The following DOCK7 variants were observed in gnomAD, a reference collection of about 807,000 sequenced individuals.
DOCK7 encodes the protein dedicator of cytokinesis protein 7.
In DOCK7, 138 loss-of-function variants were observed where a neutral mutation model predicts 271.0. The observed-to-expected ratio is 0.51, with a 90% confidence interval of 0.44 to 0.59. The LOEUF is 0.59. Among genes scored for constraint, DOCK7 ranks in the 20% least tolerant of loss-of-function variants. The probability of loss-of-function intolerance (pLI) is 0.00; values close to 1 mark genes in which losing one functional copy is unlikely to be tolerated. For missense variants in DOCK7, 2,066 were observed against 2,592.4 expected, an observed-to-expected ratio of 0.80 and a Z score of 4.41; for synonymous variants, 823 against 876.1, an observed-to-expected ratio of 0.94 and a Z score of 1.07.
chr1:62,540,157 T>G (rs1450104213), intron 25 of DOCK7, among the ~76,000 whole-genome samples: 1 of 151,834 alleles, frequency 6.6e-6, no homozygotes, highest in Admixed American at 6.6e-5. Context: ...AAAAAAAAAT[T>G]TCAACCTTTA....
rs1277662693 is a variant in DOCK7, at chr1:62,561,643, C to T, written c.2173G>A (p.Val725Ile). The T allele has an allele frequency of 1.9e-6, 3 of 1,568,606 alleles. No individual in the cohort carries two copies. Among genetic ancestry groups the T allele is most frequent in the Non-Finnish European group, 2.6e-6 (3 of 1,164,860 alleles). The change falls in exon 19 of 50, where the codon GTT (valine) becomes ATT (isoleucine). Residue 725 changes from valine (V) to isoleucine (I), a missense_variant. By Grantham distance (29) the Val-to-Ile change is conservative. Around this residue, in one of 2 missense-constraint regions of DOCK7, gnomAD observed 1,414 missense variants for 1,670.4 expected, o/e 0.85. Coordinates refer to ENST00000635253, the MANE Select transcript of DOCK7 (RefSeq NM_001367561.1). Reference sequence around the variant, plus strand: ...TGTGTATGGATAGACGAAACAGCAACAACTTCAACATTAAAAACACCTTTG... The same window carrying T: ...TGTGTATGGATAGACGAAACAGCAATAACTTCAACATTAAAAACACCTTTG... The part of the protein sequence containing the change: ...NHKGVFNVEV[V>I]AVSSIHTQDP...
chr1:62,500,015 G>A (rs1646735707), intron 37 of DOCK7, among the ~76,000 whole-genome samples: 2 of 151,582 alleles, frequency 1.3e-5, no homozygotes, highest in African/African-American at 4.9e-5. Context: ...AGTTAGGCAA[G>A]ATGTGCCTGC....
At chr1:62,508,152 C>T (rs974129013) in intron 34 of DOCK7, 94 bp from the exon 35 acceptor site, 2 of 1,144,666 alleles carry the variant, frequency 1.7e-6, no homozygotes, top group African/African-American at 1.6e-5. Context: ...AAATTTCAAA[C>T]CATTTTCAAT....
At chr1:62,664,247 T>C (rs774936075) in intron 1 of DOCK7, among the ~76,000 whole-genome samples, 5 of 152,330 alleles carry the variant, frequency 3.3e-5, no homozygotes, top group Admixed American at 1.3e-4. Context: ...AATCTCATCT[T>C]GAATTATAGC....
intron 1 of DOCK7, among the ~76,000 whole-genome samples, chr1:62,670,054 A>C (rs1399461966): frequency 6.6e-6 from 1 of 152,246 alleles, no homozygotes; most frequent in African/African-American, 2.4e-5. Flanking sequence ...CGGAGGGTGT[A>C]CTGGGTCCCC....
chr1:62,648,797 A>C (rs1320187554), intron 4 of DOCK7, among the ~76,000 whole-genome samples: 1 of 152,160 alleles, frequency 6.6e-6, no homozygotes, highest in African/African-American at 2.4e-5. Flanking sequence ...TATATAAATT[A>C]AGCTGTACTT....
At chr1:62,593,613 G>A (rs1036006097) in intron 14 of DOCK7, among the ~76,000 whole-genome samples, 3 of 151,938 alleles carry the variant, frequency 2.0e-5, no homozygotes, top group African/African-American at 2.4e-5. Flanking sequence ...CCAAAGATAC[G>A]GCTGTTCAAC....
At chr1:62,679,649 A>T (rs936870891) in intron 1 of DOCK7, among the ~76,000 whole-genome samples, 1 of 152,212 alleles carries the variant, frequency 6.6e-6, no homozygotes, top group Non-Finnish European at 1.5e-5. Flanking sequence ...GGCCATACAA[A>T]GCAATGGCAT....
At chr1:62,599,000 G>A (rs921327111) in intron 14 of DOCK7, among the ~76,000 whole-genome samples, 1 of 151,944 alleles carries the variant, frequency 6.6e-6, no homozygotes, top group Admixed American at 6.6e-5. Flanking sequence ...GTGTGACCTT[G>A]AATAAATTAC....
At chr1:62,519,006 T>TACACACACACACACACACACAC (rs61224578) in intron 31 of DOCK7, among the ~76,000 whole-genome samples, 1 of 148,130 alleles carries the variant, frequency 6.8e-6, no homozygotes, top group Non-Finnish European at 1.5e-5. Context: ...AGTCATGCTA[T>TACACACACACACACACACACAC]ACACACACAC....
intron 1 of DOCK7, among the ~76,000 whole-genome samples, chr1:62,672,889 T>C (rs1238768660): frequency 1.3e-5 from 2 of 152,132 alleles, no homozygotes; most frequent in Non-Finnish European, 2.9e-5. Flanking sequence ...TATTAATGAT[T>C]TGTCTATTTT....
At chr1:62,584,862 T>C (rs1462453284) in intron 15 of DOCK7, 1 of 717,552 alleles carries the variant, frequency 1.4e-6, no homozygotes, top group Admixed American at 2.0e-5. Context: ...CGGTATAGGA[T>C]GGGTGCAGCT....
At chr1:62,677,254 C>G (rs1418756514) in intron 1 of DOCK7, among the ~76,000 whole-genome samples, 1 of 152,138 alleles carries the variant, frequency 6.6e-6, no homozygotes, top group Non-Finnish European at 1.5e-5. Flanking sequence ...GGGCATGTGA[C>G]CCACAGTGGT....
At position 62,656,894 on chromosome 1, in the gene DOCK7, G is replaced by A. The variant is rs193145306; in HGVS notation, c.145-2735C>T. ...ACATTTAGACTATAACTGCACAAAG[G>A]CCAAGTGGGGAGCTAGATTTCTTCC... On this transcript the variant is annotated intron_variant, in intron 2 of 49. Transcript: ENST00000635253. Among the ~76,000 whole-genome samples the A allele has an allele frequency of 2.1e-3, 319 of 152,292 alleles. 2 individuals carry two copies. Among genetic ancestry groups the A allele is most frequent in the African/African-American group, 7.3e-3 (302 of 41,550 alleles).
At chr1:62,656,903 G>A (rs1199947727) in intron 2 of DOCK7, among the ~76,000 whole-genome samples, 1 of 152,162 alleles carries the variant, frequency 6.6e-6, no homozygotes, top group African/African-American at 2.4e-5. Flanking sequence ...GGCCAAGTGG[G>A]GAGCTAGATT....
chr1:62,542,849 A>G, intron 24 of DOCK7, 146 bp from the exon 25 acceptor site: 1 of 604,820 alleles, frequency 1.7e-6, no homozygotes, highest in Non-Finnish European at 2.9e-6. Context: ...GAAGACACCC[A>G]TTAACGAAAC....
chr1:62,639,134 A>G (rs1655658955), intron 7 of DOCK7, among the ~76,000 whole-genome samples: 1 of 152,144 alleles, frequency 6.6e-6, no homozygotes, highest in South Asian at 2.1e-4. Context: ...GTTTCATACT[A>G]GTCTTGATAT....
intron 48 of DOCK7, among the ~76,000 whole-genome samples, chr1:62,464,095 T>C (rs900884156): frequency 6.6e-6 from 1 of 152,146 alleles, no homozygotes; most frequent in African/African-American, 2.4e-5. Flanking sequence ...AGTCTCGCTC[T>C]GTCACCCAGT....
intron 18 of DOCK7, among the ~76,000 whole-genome samples, chr1:62,567,142 T>C (rs1057347072): frequency 5.9e-5 from 9 of 152,212 alleles, no homozygotes; most frequent in Non-Finnish European, 1.3e-4. Flanking sequence ...AGTGTGGTGA[T>C]TCCTCAAGGA....
Sources: gnomAD v4.1 joint callset for allele counts (sites outside exome capture counted in the v4.1 genomes callset) on GRCh38, gnomAD v4.1.1 for gene constraint, gnomAD v4.1.1 regional missense constraint, MANE v1.5 for transcripts, NCBI Gene and HGNC (gene_info 2026-07-23, HGNC 2026-07-21) for gene names.